Variants in MANSC1 observed in about 807,000 individuals in gnomAD.
MANSC1 encodes the protein MANSC domain containing 1.
A neutral mutation model predicts 14.1 loss-of-function variants in MANSC1; 13 were observed. The observed-to-expected ratio is 0.92, with a 90% CI of 0.60 to 1.46. MANSC1 has a LOEUF of 1.46. Among genes scored for constraint, MANSC1 ranks in the 40% most tolerant of loss-of-function variants. The probability of loss-of-function intolerance (pLI) is 0.00; values close to 1 mark genes in which losing one functional copy is unlikely to be tolerated. For missense variants in MANSC1, 486 were observed against 511.4 expected (o/e 0.95, Z 0.48); for synonymous variants, 227 against 200.7 (o/e 1.13, Z -1.11).
At chr12:12,331,060 G>C (rs1862783625) in intron 3 of MANSC1, 102 bp from the exon 4 acceptor site, 6 of 773,734 alleles carry the variant, frequency 7.8e-6, no homozygotes, top group Non-Finnish European at 1.2e-5. Context: ...TCCCTAAACT[G>C]GTTGGCCATG....
intron 1 of MANSC1, among the ~76,000 whole-genome samples, chr12:12,346,087 C>T (rs911708594): frequency 2.4e-4 from 37 of 152,306 alleles, no homozygotes; most frequent in Admixed American, 1.5e-3. Flanking sequence ...TCCTGGCTAA[C>T]ACGGTGAAAC....
intron 3 of MANSC1, among the ~76,000 whole-genome samples, chr12:12,338,209 T>G (rs1862883541): frequency 6.6e-6 from 1 of 152,184 alleles, no homozygotes; most frequent in African/African-American, 2.4e-5. Context: ...CTCATGAAGG[T>G]AAAAACAGAA....
intron 3 of MANSC1, among the ~76,000 whole-genome samples, chr12:12,335,075 C>G (rs1188635729): frequency 6.6e-6 from 1 of 152,150 alleles, no homozygotes; most frequent in Non-Finnish European, 1.5e-5. Context: ...TGTCACCATT[C>G]ATCTGGATGC....
chr12:12,331,089 C>A (rs1048642991), intron 3 of MANSC1, 131 bp from the exon 4 acceptor site: 4 of 630,052 alleles, frequency 6.3e-6, no homozygotes, highest in African/African-American at 3.7e-5. Flanking sequence ...CGCCTATAAT[C>A]CCAGCACTTT....
At chr12:12,333,762 G>A (rs1862822766) in intron 3 of MANSC1, among the ~76,000 whole-genome samples, 2 of 152,188 alleles carry the variant, frequency 1.3e-5, no homozygotes, top group African/African-American at 4.8e-5. Flanking sequence ...GACCCCAGCT[G>A]AGCAAACAGA....
rs2135985234 is a variant in MANSC1, at chr12:12,327,936, C to G, written c.*2091G>C. On this transcript the variant is annotated 3_prime_UTR_variant, in exon 4 of 4. Coordinates refer to ENST00000535902, the MANE Select transcript of MANSC1 (RefSeq NM_018050.4). Reference sequence around the variant, plus strand: ...AGGTGAGGAGGAAGGAGAAGAAAAGCCTTTTCTGTCATTTCCTGCATTTGT... The same window carrying G: ...AGGTGAGGAGGAAGGAGAAGAAAAGGCTTTTCTGTCATTTCCTGCATTTGT... The G allele has an allele frequency of 6.6e-6, 1 of 152,322 alleles. No homozygotes were observed. Among genetic ancestry groups the G allele is most frequent in the Non-Finnish European group, 1.5e-5 (1 of 68,062 alleles). The allele number at this position is 152,322 out of a possible 1,614,324, so 9.4% of individuals were successfully genotyped here. A position where few individuals can be genotyped will look rare whatever the true frequency, so the allele number is the denominator to read the frequency against.
At chr12:12,332,473 A>G (rs2135988803) in intron 3 of MANSC1, among the ~76,000 whole-genome samples, 1 of 152,304 alleles carries the variant, frequency 6.6e-6, no homozygotes, top group South Asian at 2.1e-4. Context: ...CTGGCCTGCC[A>G]TCTGTCTTTG....
rs1592028238 is a variant in MANSC1 at position 12,330,516 on chromosome 12, T to G, written c.807A>C (p.Pro269=). 1 of 1,614,066 alleles carries G rather than the reference T, an allele frequency of 6.2e-7. No individual in the cohort carries two copies. The highest frequency in any genetic ancestry group is 2.2e-5 in the East Asian group (1 of 44,880). The change falls in exon 4 of 4, where the codon CCA becomes CCC. Residue 269 remains proline, a synonymous_variant. Coordinates refer to ENST00000535902, the MANE Select transcript of MANSC1 (RefSeq NM_018050.4). ...TSQPQLATTA[P]PVTTVTSQPP... ...GCTGAGAAGTGACAGTGGTTACAGG[T>G]GGAGCTGTGGTGGCCAGCTGTGGCT...
At position 12,326,392 on chromosome 12, in the gene MANSC1, C is replaced by G. The variant is rs185778195; in HGVS notation, c.*3635G>C. 1.3e-5 allele frequency: 2 copies of G among 152,292 alleles called. No individual in the cohort carries two copies. Among genetic ancestry groups the G allele is most frequent in the Admixed American group, 1.3e-4 (2 of 15,290 alleles). The allele number at this position is 152,292 out of a possible 1,614,324, so 9.4% of individuals were successfully genotyped here. On this transcript the variant is annotated 3_prime_UTR_variant, in exon 4 of 4. Transcript: ENST00000535902. Reference sequence around the variant, plus strand: ...TTCCTTTCAGCTAAAACTTGGGTCACAGGCCCATCCCTGAACCTGGCACTT... The same window carrying G: ...TTCCTTTCAGCTAAAACTTGGGTCAGAGGCCCATCCCTGAACCTGGCACTT...
At chr12:12,339,605 A>T (rs1708326587) in intron 2 of MANSC1, among the ~76,000 whole-genome samples, 2 of 152,072 alleles carry the variant, frequency 1.3e-5, no homozygotes, top group South Asian at 4.1e-4. Flanking sequence ...ATGCCTAATA[A>T]AGCCATGAGT....
chr12:12,329,984 G>C lies in MANSC1; in HGVS notation c.*43C>G. On this transcript the variant is annotated 3_prime_UTR_variant, in exon 4 of 4. Transcript: ENST00000535902. The stretch of plus-strand genomic sequence containing the variant: ...GTCAGCAGAAACTCATTGCATTTGG[G>C]CTTCTGGTTACTAAATGAATTAAGA... 2 of 1,532,006 alleles carry C rather than the reference G, an allele frequency of 1.3e-6. No individual in the cohort carries two copies. The highest frequency in any genetic ancestry group is 1.2e-5 in the South Asian group (1 of 84,152). 94.9% of individuals were successfully genotyped at this position (1,532,006 alleles called of 1,614,324 possible).
intron 2 of MANSC1, 38 bp downstream of exon 2, chr12:12,343,054 C>T (rs1862958255): frequency 2.7e-6 from 4 of 1,470,678 alleles, no homozygotes; most frequent in Non-Finnish European, 3.8e-6. Flanking sequence ...AGCCACAAAA[C>T]ACATGGAACA....
intron 2 of MANSC1, among the ~76,000 whole-genome samples, chr12:12,341,703 G>A (rs892917032): frequency 5.3e-5 from 8 of 152,188 alleles, no homozygotes; most frequent in African/African-American, 1.7e-4. Context: ...AAAGCTCACT[G>A]TAGGCTGGGT....
chr12:12,338,888 CA>C, intron 2 of MANSC1: 1 of 290,326 alleles, frequency 3.4e-6, no homozygotes, highest in Middle Eastern at 1.1e-3. Context: ...CACACACACA[CA>C]AACACACACA....
chr12:12,333,592 C>G (rs1215467251), intron 3 of MANSC1, among the ~76,000 whole-genome samples: 4 of 152,178 alleles, frequency 2.6e-5, no homozygotes, highest in Non-Finnish European at 5.9e-5. Flanking sequence ...TTCGCCTCAC[C>G]CACTCATGTT....
chr12:12,342,953 T>C (rs1409968988), intron 2 of MANSC1, 139 bp downstream of exon 2: 3 of 646,428 alleles, frequency 4.6e-6, no homozygotes, highest in Non-Finnish European at 5.4e-6. Context: ...GGCACACTTG[T>C]AGAAAATTCT....
intron 1 of MANSC1, among the ~76,000 whole-genome samples, chr12:12,343,638 T>C (rs568165503): frequency 7.9e-5 from 12 of 152,336 alleles, no homozygotes; most frequent in African/African-American, 2.9e-4. Context: ...CACCAATGCT[T>C]AAAAGCTGAC....
Position 12,330,903 on chromosome 12 carries a change from A to T in MANSC1, c.420T>A (p.Ser140=). The T allele has an allele frequency of 1.2e-6, 2 of 1,610,390 alleles. No individual in the cohort carries two copies. Among genetic ancestry groups the T allele is most frequent in the Non-Finnish European group, 1.7e-6 (2 of 1,178,642 alleles). Residue 140 remains serine (S), a synonymous_variant, in exon 4 of 4, where the codon TCT becomes TCA. Coordinates refer to ENST00000535902, the MANE Select transcript of MANSC1 (RefSeq NM_018050.4). ...CTTGTGAAAATTGGCCATGTAAGAG[A>T]GAATCTTCCTGGGGTAACTCTTGGC... ...LPSQELPQED[S]LLHGQFSQAV...
Position 12,329,723 on chromosome 12 carries a change from A to C in MANSC1, c.*304T>G. 3.8e-6 allele frequency: 1 copy of C among 259,868 alleles called. No homozygotes were observed. Among genetic ancestry groups the C allele is most frequent in the South Asian group, 6.2e-5 (1 of 16,128 alleles). 16.1% of individuals were successfully genotyped at this position (259,868 alleles called of 1,614,324 possible). ...ACATGGTGAAACCCCGTCTCTACTA[A>C]AAATACAAAAATCACCCAGGTGTGG... On this transcript the variant is annotated 3_prime_UTR_variant, in exon 4 of 4. Coordinates refer to ENST00000535902, the MANE Select transcript of MANSC1 (RefSeq NM_018050.4).
Sources: allele counts gnomAD v4.1 joint callset (sites outside exome capture counted in the v4.1 genomes callset), GRCh38; gene constraint gnomAD v4.1.1; transcripts MANE v1.5; gene names NCBI Gene and HGNC (gene_info 2026-07-23, HGNC 2026-07-21).